PIGN: variants seen among roughly 807,000 people sequenced by gnomAD.
PIGN encodes phosphatidylinositol glycan anchor biosynthesis class N.
In PIGN, 117 loss-of-function variants were observed where a neutral mutation model predicts 125.4. The observed-to-expected ratio is 0.93, with a 90% CI of 0.80 to 1.09. The LOEUF (loss-of-function observed/expected upper bound fraction) is 1.09. Among genes scored for constraint, PIGN ranks in the 50% least tolerant of loss-of-function variants. The pLI, the probability that PIGN is intolerant of heterozygous loss-of-function variation, is 0.00. For synonymous variants in PIGN, 392 were observed against 377.8 expected, an observed-to-expected ratio of 1.04 and a Z score of -0.44; for missense variants, 1,075 against 1,094.9, an observed-to-expected ratio of 0.98 and a Z score of 0.26.
In PIGN at chr18:62,098,723, C is replaced by A. The variant is rs535589709; in HGVS notation, c.2077+2352G>T. ...TGACTTACCTATGAGTTAACAATTT[C>A]ATGTCTTACATCATTTTGTAGGTAT... is the stretch of plus-strand genomic sequence containing the variant. On this transcript the variant is annotated intron_variant, in intron 22 of 30. Transcript: ENST00000640252. 2.2e-4 allele frequency among the ~76,000 whole-genome samples: 33 copies of A among 152,214 alleles called. 1 individual carries two copies. The South Asian group carries it at 6.4e-3, about 30-fold the overall frequency.
chr18:62,146,479 G>T (rs1217649844), intron 9 of PIGN, among the ~76,000 whole-genome samples: 1 of 152,146 alleles, frequency 6.6e-6, no homozygotes, highest in African/African-American at 2.4e-5. Context: ...AGAGCCAAAA[G>T]AAGTCCTTTA....
chr18:62,150,043 A>G (rs942618550), intron 7 of PIGN, among the ~76,000 whole-genome samples: 1 of 152,166 alleles, frequency 6.6e-6, no homozygotes, highest in Admixed American at 6.5e-5. Context: ...GTGCAGCAGC[A>G]CAATCTTGGC....
chr18:62,074,748 A>G (rs2033080699), intron 29 of PIGN, 31 bp downstream of exon 29: 1 of 1,439,476 alleles, frequency 6.9e-7, no homozygotes, highest in Admixed American at 1.8e-5. Context: ...CTCTTAATCT[A>G]ATTTATATGG....
At chr18:62,128,639 A>C (rs1416777651) in intron 14 of PIGN, among the ~76,000 whole-genome samples, 5 of 149,260 alleles carry the variant, frequency 3.3e-5, no homozygotes, top group Non-Finnish European at 6.0e-5. Context: ...GAGTTCATTT[A>C]GGTTGATATG....
rs1284090104 is a variant in PIGN, at chr18:62,139,056, T to C, written c.1043A>G (p.Tyr348Cys). 2 of 1,603,366 alleles carry C rather than the reference T, an allele frequency of 1.2e-6. No individual in the cohort carries two copies. Among genetic ancestry groups the C allele is most frequent in the African/African-American group, 1.3e-5 (1 of 74,902 alleles). ...TTTGAAGAGATCAGTGTTGTTAAGA[T>C]AATCCACAGGAAGGATTCCCTGAAA... Reference protein sequence around the residue: ...LNSVGILPVDYLNNTDLFKAE... With the variant: ...LNSVGILPVDCLNNTDLFKAE... The change falls in exon 13 of 31, where the codon TAT (tyrosine) becomes TGT (cysteine). Residue 348 changes from tyrosine (Y) to cysteine (C), a missense_variant. Coordinates refer to ENST00000640252, the MANE Select transcript of PIGN (RefSeq NM_176787.5).
intron 23 of PIGN, among the ~76,000 whole-genome samples, chr18:62,093,260 C>G (rs1191566091): frequency 6.6e-6 from 1 of 152,016 alleles, no homozygotes; most frequent in African/African-American, 2.4e-5. Context: ...CTTTCAAAAA[C>G]TATACATTAT....
intron 19 of PIGN, among the ~76,000 whole-genome samples, 197 bp downstream of exon 19, chr18:62,106,592 G>A (rs909083744): frequency 5.9e-5 from 9 of 152,080 alleles, no homozygotes; most frequent in Non-Finnish European, 1.3e-4. Flanking sequence ...CACATAACTG[G>A]CCCATTTTGA....
chr18:62,098,618 C>T (rs1193935826), intron 22 of PIGN, among the ~76,000 whole-genome samples: 1 of 152,102 alleles, frequency 6.6e-6, no homozygotes, highest in Non-Finnish European at 1.5e-5. Context: ...ATTTGGAGAT[C>T]ATAGCATATT....
At chr18:62,107,243 T>C (rs929880456) in intron 17 of PIGN, among the ~76,000 whole-genome samples, 158 bp from the exon 18 acceptor site, 2 of 152,178 alleles carry the variant, frequency 1.3e-5, no homozygotes, top group Non-Finnish European at 2.9e-5. Context: ...AGGGCTTTAT[T>C]TACCTATTTT....
intron 14 of PIGN, chr18:62,136,026 A>G (rs2035919853): frequency 6.6e-6 from 1 of 152,180 alleles, no homozygotes; most frequent in African/African-American, 2.4e-5. Context: ...GCCTTTGTCT[A>G]TCCTGTTCAC....
At chr18:62,105,716 A>C in intron 19 of PIGN, 82 bp from the exon 20 acceptor site, 2 of 714,936 alleles carry the variant, frequency 2.8e-6, no homozygotes, top group South Asian at 4.6e-5. Flanking sequence ...TATGACTGTG[A>C]AGGTAAAAGG....
At chr18:62,020,194 G>A (rs2030036430) in intron 23 of PIGN, among the ~76,000 whole-genome samples, 1 of 152,230 alleles carries the variant, frequency 6.6e-6, no homozygotes, top group South Asian at 2.1e-4. Flanking sequence ...GTACTGATCA[G>A]CCAGAGTGGA....
At chr18:62,027,988 A>G (rs1308648268) in intron 23 of PIGN, among the ~76,000 whole-genome samples, 1 of 152,196 alleles carries the variant, frequency 6.6e-6, no homozygotes, top group Non-Finnish European at 1.5e-5. Flanking sequence ...TTTCTATGTA[A>G]ATGTGCCTTT....
intron 8 of PIGN, among the ~76,000 whole-genome samples, chr18:62,147,744 A>C (rs2036386221): frequency 6.6e-6 from 1 of 152,174 alleles, no homozygotes; most frequent in African/African-American, 2.4e-5. Context: ...TGAGAAAAAT[A>C]CTTGCTGTCA....
chr18:62,107,116 TAA>T, intron 17 of PIGN, 31 bp from the exon 18 acceptor site: 2 of 1,351,450 alleles, frequency 1.5e-6, no homozygotes, highest in Non-Finnish European at 2.1e-6. Context: ...GATTGAATTT[TAA>T]AGTTAGGTCA....
At position 62,109,851 on chromosome 18, in the gene PIGN, C is replaced by G. The variant is rs560010455; in HGVS notation, c.1557G>C (p.Trp519Cys). The change falls in exon 17 of 31, where the codon TGG becomes TGC. Residue 519 changes from tryptophan (W) to cysteine (C), a missense_variant. Transcript: ENST00000640252. ...YVYGLLPLPI[W>C]YAVLREFQVI... ...TTACTTACTCTCTTAGAACCGCATA[C>G]CATATTGGCAGTGGCAACAAACCAT... 1 of 1,612,152 alleles carries G rather than the reference C, an allele frequency of 6.2e-7. No individual in the cohort carries two copies. The highest frequency in any genetic ancestry group is 1.1e-5 in the South Asian group (1 of 90,784).
rs1568228220 is a variant in PIGN, at chr18:62,146,986, C to T, written c.790G>A (p.Gly264Arg). ...KTTFIFTSDH[G>R]MTDWGSHGAG... ...ACACACTAACCCCAGTCTGTCATTC[C>T]ATGGTCAGAGGTAAAGATAAATGTT... The change falls in exon 9 of 31, where the codon GGA becomes AGA. Residue 264 changes from glycine (G) to arginine (R), a missense_variant. Gly to Arg is a moderately radical substitution (Grantham distance 125). Coordinates refer to ENST00000640252, the MANE Select transcript of PIGN (RefSeq NM_176787.5). The T allele has an allele frequency of 2.5e-6, 4 of 1,611,972 alleles. No individual in the cohort carries two copies. Among genetic ancestry groups the T allele is most frequent in the Non-Finnish European group, 3.4e-6 (4 of 1,178,522 alleles).
intron 1 of PIGN, among the ~76,000 whole-genome samples, chr18:62,169,667 C>A (rs1044434697): frequency 4.6e-5 from 7 of 151,986 alleles, no homozygotes; most frequent in African/African-American, 1.7e-4. Flanking sequence ...GTTGCCCAGG[C>A]TGCAGTGCAG....
chr18:62,161,127 G>A lies in PIGN; in HGVS notation c.221+6C>T. 6.4e-7 allele frequency: 1 copy of A among 1,574,340 alleles called. No individual in the cohort carries two copies. Among genetic ancestry groups the A allele is most frequent in the African/African-American group, 1.3e-5 (1 of 74,242 alleles). On this transcript the variant is annotated splice_donor_region_variant and intron_variant, in intron 4 of 30. Transcript: ENST00000640252. ...GAGATGTCTCTGTATCAGTTTACAT[G>A]CTTACCTAATAAACGGTGCTCTAGA...
Sources: gnomAD v4.1 joint callset for allele counts (sites outside exome capture counted in the v4.1 genomes callset) on GRCh38, gnomAD v4.1.1 for gene constraint, MANE v1.5 for transcripts, NCBI Gene and HGNC (gene_info 2026-07-23, HGNC 2026-07-21) for gene names.